The following SHISA5 variants were observed in gnomAD, a reference collection of about 807,000 sequenced individuals.
The protein encoded by SHISA5 is protein shisa-5.
A neutral mutation model predicts 27.5 loss-of-function variants in SHISA5; 21 were observed. The observed-to-expected ratio is 0.76, with a 90% confidence interval of 0.54 to 1.10. The LOEUF (loss-of-function observed/expected upper bound fraction) is 1.10. Ranked by LOEUF, SHISA5 falls within the 50% of genes least tolerant of loss-of-function variation. SHISA5 has a pLI of 0.00. For missense variants in SHISA5, 314 were observed against 336.3 expected (o/e 0.93, Z 0.52); for synonymous variants, 137 against 142.2 (o/e 0.96, Z 0.26).
chr3:48,469,626 G>C lies in SHISA5; in HGVS notation c.431-53C>G. 9 of 1,591,606 alleles carry C rather than the reference G, an allele frequency of 5.7e-6. No individual in the cohort carries two copies. Among genetic ancestry groups the C allele is most frequent in the Non-Finnish European group, 7.7e-6 (9 of 1,167,808 alleles). On this transcript the variant is annotated intron_variant, in intron 4 of 5. Transcript: ENST00000296444. The surrounding 1 kb of genome is among the most constrained non-coding windows in gnomAD (Gnocchi z 4.6). ...TCCTCCATCTCCCCAGGTCTTGAGA[G>C]CCAGGCTTGCCACCCATCCCTCCAG... is the stretch of plus-strand genomic sequence containing the variant.
Position 48,468,459 on chromosome 3 carries a change from T to C in SHISA5, c.*648A>G, listed in dbSNP as rs2040440874. 1.7e-6 allele frequency: 2 copies of C among 1,169,866 alleles called. No homozygotes were observed. Among genetic ancestry groups the C allele is most frequent in the East Asian group, 6.2e-5 (1 of 16,158 alleles). The allele number at this position is 1,169,866 out of a possible 1,614,324, so 72.5% of individuals were successfully genotyped here. A position where few individuals can be genotyped will look rare whatever the true frequency, so the allele number is the denominator to read the frequency against. On this transcript the variant is annotated 3_prime_UTR_variant, in exon 6 of 6. Coordinates refer to ENST00000296444, the MANE Select transcript of SHISA5 (RefSeq NM_016479.6). ...GTCCAGGCAGACAGGTACAGCTGAG[T>C]AGGGCTCTGCCTGAGGTGTTCTGGC...
chr3:48,468,101 A>G lies in SHISA5; in HGVS notation c.*1006T>C, dbSNP rs929080070. The G allele has an allele frequency of 2.8e-5, 27 of 971,038 alleles. No individual in the cohort carries two copies. The highest frequency in any genetic ancestry group is 3.2e-5 in the Non-Finnish European group (26 of 807,486). 60.2% of individuals were successfully genotyped at this position (971,038 alleles called of 1,614,324 possible). On this transcript the variant is annotated 3_prime_UTR_variant, in exon 6 of 6. Coordinates refer to ENST00000296444, the MANE Select transcript of SHISA5 (RefSeq NM_016479.6). ...GCCAGAACACCGTGGACTGGGGTACAGGAGTTGTTGCATATTCCATGAGGC... is the reference window on the plus strand; with the variant it reads ...GCCAGAACACCGTGGACTGGGGTACGGGAGTTGTTGCATATTCCATGAGGC...
chr3:48,503,919 G>C, intron 1 of SHISA5, 100 bp downstream of exon 1: 1 of 1,368,748 alleles, frequency 7.3e-7, no homozygotes, highest in Non-Finnish European at 9.5e-7. Context: ...TCAGTGGGGG[G>C]CATAGTGGGG....
intron 2 of SHISA5, among the ~76,000 whole-genome samples, chr3:48,484,370 C>T (rs911462448): frequency 1.3e-5 from 2 of 152,202 alleles, no homozygotes; most frequent in South Asian, 2.1e-4. Flanking sequence ...CCGAGGCAGG[C>T]GGATCACCTA....
At chr3:48,492,414 G>C (rs2107366931) in intron 2 of SHISA5, among the ~76,000 whole-genome samples, 1 of 148,538 alleles carries the variant, frequency 6.7e-6, no homozygotes, top group African/African-American at 2.6e-5. Flanking sequence ...AGCTTGCAGT[G>C]AGCCGAGATC....
At chr3:48,484,394 G>C (rs190418506) in intron 2 of SHISA5, among the ~76,000 whole-genome samples, 5 of 152,198 alleles carry the variant, frequency 3.3e-5, no homozygotes, top group African/African-American at 1.2e-4. Flanking sequence ...TCAGGAGTTT[G>C]AGACCAGCCT....
rs1282415247 is a variant in SHISA5 at position 48,495,419 on chromosome 3, G to C, written c.233+5718C>G. Reference sequence around the variant, plus strand: ...AAAAAAAAAAAAAAATTGATTGCTTGTTCAGTGGGTGGGGAGAAACTCCCA... The same window carrying C: ...AAAAAAAAAAAAAAATTGATTGCTTCTTCAGTGGGTGGGGAGAAACTCCCA... On this transcript the variant is annotated intron_variant, in intron 2 of 5. Coordinates refer to ENST00000296444, the MANE Select transcript of SHISA5 (RefSeq NM_016479.6). Among the ~76,000 whole-genome samples, 2 of 142,204 alleles carry C rather than the reference G, an allele frequency of 1.4e-5. 1 individual carries two copies. The highest frequency in any genetic ancestry group is 5.8e-5 in the African/African-American group (2 of 34,690). 93.3% of individuals were successfully genotyped at this position (142,204 alleles called of 152,430 possible). A position where few individuals can be genotyped will look rare whatever the true frequency, so the allele number is the denominator to read the frequency against.
At chr3:48,479,868 G>A (rs528918562) in intron 2 of SHISA5, among the ~76,000 whole-genome samples, 195 of 151,674 alleles carry the variant, frequency 1.3e-3, no homozygotes, top group Non-Finnish European at 2.4e-3. Context: ...TGGGATTACA[G>A]GCGTTAGCCA....
intron 1 of SHISA5, 192 bp downstream of exon 1, chr3:48,503,827 T>G: frequency 7.9e-7 from 1 of 1,269,296 alleles, no homozygotes; most frequent in Non-Finnish European, 9.9e-7. Flanking sequence ...CTAGGCAGGG[T>G]TGTTCAGGCA....
intron 3 of SHISA5, chr3:48,472,876 G>A: frequency 2.1e-6 from 2 of 961,174 alleles, no homozygotes; most frequent in Admixed American, 4.2e-5. Flanking sequence ...GGCCCAACCA[G>A]AGGCAGGAAT....
chr3:48,470,037 C>T lies in SHISA5; in HGVS notation c.315-194G>A. On this transcript the variant is annotated intron_variant, in intron 3 of 5. Transcript: ENST00000296444. The surrounding 1 kb of genome is among the most constrained non-coding windows in gnomAD (Gnocchi z 4.3). ...CTGGGGTATATGTGAGTCCCTGTAA[C>T]TGTCTCTCCCTGGGTCTCCCCCGCT... is the stretch of plus-strand genomic sequence containing the variant. 1 of 678,290 alleles carries T rather than the reference C, an allele frequency of 1.5e-6. No homozygotes were observed. The highest frequency in any genetic ancestry group is 2.5e-6 in the Non-Finnish European group (1 of 407,500). 42.0% of individuals were successfully genotyped at this position (678,290 alleles called of 1,614,324 possible).
intron 1 of SHISA5, among the ~76,000 whole-genome samples, chr3:48,502,870 G>A (rs1468452197): frequency 6.6e-6 from 1 of 152,246 alleles, no homozygotes; most frequent in Non-Finnish European, 1.5e-5. Context: ...GCCATGTGCA[G>A]CATCTGGTGC....
At chr3:48,481,217 G>A (rs975043453) in intron 2 of SHISA5, among the ~76,000 whole-genome samples, 4 of 151,638 alleles carry the variant, frequency 2.6e-5, no homozygotes, top group Non-Finnish European at 1.5e-5. Flanking sequence ...AAGGTGGGTG[G>A]ATCATGAGGT....
rs2040462386 is a variant in SHISA5 at position 48,468,835 on chromosome 3, C to G, written c.*272G>C. The G allele has an allele frequency of 6.7e-7, 1 of 1,492,474 alleles. No individual in the cohort carries two copies. The highest frequency in any genetic ancestry group is 8.9e-7 in the Non-Finnish European group (1 of 1,119,058). 92.5% of individuals were successfully genotyped at this position (1,492,474 alleles called of 1,614,324 possible). On this transcript the variant is annotated 3_prime_UTR_variant, in exon 6 of 6. Transcript: ENST00000296444. ...ACAGGGTGCCCCCCACCACCCCATT[C>G]TTTGAGTTTGGCTTGAGATTTTAGG...
At chr3:48,494,299 C>CTTT (rs1328472129) in intron 2 of SHISA5, among the ~76,000 whole-genome samples, 1 of 129,740 alleles carries the variant, frequency 7.7e-6, no homozygotes, top group Non-Finnish European at 1.6e-5. Flanking sequence ...TCTGGATTTC[C>CTTT]TTTTTTTTTT....
chr3:48,495,500 A>G (rs1377301330), intron 2 of SHISA5, among the ~76,000 whole-genome samples: 1 of 146,222 alleles, frequency 6.8e-6, no homozygotes, highest in Non-Finnish European at 1.5e-5. Context: ...GAATAGAAGA[A>G]GCACTCTGAG....
rs754252794 is a variant in SHISA5 at position 48,469,308 on chromosome 3, G to A, written c.643+53C>T. On this transcript the variant is annotated intron_variant, in intron 5 of 5. Transcript: ENST00000296444. The surrounding 1 kb of genome is among the most constrained non-coding windows in gnomAD (Gnocchi z 4.6). ...AGTTTGGGATGGGTGCCCGAGGGAT[G>A]CTGGCAGAGACTCGGGAAGTCGGGC... 7.7e-6 allele frequency: 12 copies of A among 1,565,846 alleles called. No individual in the cohort carries two copies. The highest frequency in any genetic ancestry group is 4.5e-5 in the East Asian group (2 of 44,472).
rs1369912852 is a variant in SHISA5 at position 48,495,348 on chromosome 3, A to G, written c.233+5789T>C. The stretch of plus-strand genomic sequence containing the variant: ...ACGACGCTTTTTTTTTTTTTTTAAT[A>G]GAGAGGGAGTCTCGCTCTGTCACCC... On this transcript the variant is annotated intron_variant, in intron 2 of 5. Coordinates refer to ENST00000296444, the MANE Select transcript of SHISA5 (RefSeq NM_016479.6). Among the ~76,000 whole-genome samples the G allele has an allele frequency of 2.2e-5, 3 of 135,852 alleles. 1 individual carries two copies. Among genetic ancestry groups the G allele is most frequent in the African/African-American group, 6.2e-5 (2 of 32,100 alleles). 89.1% of individuals were successfully genotyped at this position (135,852 alleles called of 152,430 possible).
rs987315673 is a variant in SHISA5 at position 48,493,214 on chromosome 3, A to C, written c.233+7923T>G. On this transcript the variant is annotated intron_variant, in intron 2 of 5. Coordinates refer to ENST00000296444, the MANE Select transcript of SHISA5 (RefSeq NM_016479.6). Reference sequence around the variant, plus strand: ...GAGGCCAAGGTGGGCTGATCACTTGAGCCCAGGAGGTCAGGACCAGCCTGG... The same window carrying C: ...GAGGCCAAGGTGGGCTGATCACTTGCGCCCAGGAGGTCAGGACCAGCCTGG... 2.0e-4 allele frequency among the ~76,000 whole-genome samples: 29 copies of C among 147,322 alleles called. 1 individual carries two copies. The highest frequency in any genetic ancestry group is 3.2e-4 in the Non-Finnish European group (22 of 67,872).
Sources: gnomAD v4.1 joint callset for allele counts (sites outside exome capture counted in the v4.1 genomes callset) on GRCh38, gnomAD v4.1.1 for gene constraint, Gnocchi (gnomAD v3.1) non-coding constraint, MANE v1.5 for transcripts, NCBI Gene and HGNC (gene_info 2026-07-23, HGNC 2026-07-21) for gene names.